ZNF44: variants seen among roughly 807,000 people sequenced by gnomAD.
ZNF44 encodes the protein gonadotropin inducible transcription repressor-2.
ZNF44 carries 9 observed loss-of-function variants against 11.7 expected under a neutral mutation model. That is an observed-to-expected ratio of 0.77 (90% CI 0.46 to 1.35). ZNF44 has a LOEUF of 1.35. Among genes scored for constraint, ZNF44 ranks in the 40% most tolerant of loss-of-function variants. The pLI is 0.00. For missense variants in ZNF44, 696 were observed against 743.1 expected (o/e 0.94, Z 0.74); for synonymous variants, 224 against 242.7 (o/e 0.92, Z 0.72).
intron 1 of ZNF44, chr19:12,293,306 C>T (rs1968096695): frequency 1.3e-6 from 2 of 1,536,844 alleles, no homozygotes; most frequent in African/African-American, 2.7e-5. Flanking sequence ...CCGATATCCA[C>T]TAGGCCCTCC....
rs375321557 is a variant in ZNF44 at position 12,273,798 on chromosome 19, G to A, written c.457C>T (p.Arg153Cys). 4.2e-5 allele frequency: 67 copies of A among 1,614,084 alleles called. No individual in the cohort carries two copies. The highest frequency in any genetic ancestry group is 3.3e-4 in the Middle Eastern group (2 of 6,062). The change falls in exon 4 of 4, where the codon CGC (arginine) becomes TGC (cysteine). Residue 153 changes from arginine (R) to cysteine (C), a missense_variant. Physicochemically the swap from Arg to Cys is radical, Grantham distance 180. Transcript: ENST00000355684. ...HKQCGKGLSYRHSFQTCERPH... is the reference protein window; with the variant it reads ...HKQCGKGLSYCHSFQTCERPH... ...CTTTCACATGTTTGAAAGGAGTGGC[G>A]ATAACTTAAGCCTTTCCCACACTGC...
chr19:12,252,051 C>CAA (rs61116689), intron 5 of ZNF44, among the ~76,000 whole-genome samples: 50 of 90,764 alleles, frequency 5.5e-4, no homozygotes, highest in African/African-American at 1.1e-3. Context: ...AACTCCATCT[C>CAA]AAAAAAAAAA....
rs147056841 is a variant in ZNF44, at chr19:12,284,681, G to A, written c.4-8599C>T. ...CCGGCCAGTGCACCAGGTTCAAGGC[G>A]TTTGTTGCCATCGGGGACTACAATG... On this transcript the variant is annotated intron_variant, in intron 1 of 3. Coordinates refer to ENST00000355684, the MANE Select transcript of ZNF44 (RefSeq NM_016264.4). 4.2e-3 allele frequency: 3,181 copies of A among 750,372 alleles called. 80 individuals carry two copies. Among genetic ancestry groups the A allele is most frequent in the South Asian group, 0.032 (2,201 of 68,830 alleles). The allele number at this position is 750,372 out of a possible 1,614,324, so 46.5% of individuals were successfully genotyped here.
intron 1 of ZNF44, chr19:12,237,154 C>G (rs1916422514): frequency 6.6e-6 from 1 of 152,384 alleles, no homozygotes; most frequent in Non-Finnish European, 1.5e-5. Context: ...ACACATGAGT[C>G]TGGATCCTCG....
intron 1 of ZNF44, among the ~76,000 whole-genome samples, chr19:12,280,820 A>G (rs955192124): frequency 2.0e-5 from 3 of 152,246 alleles, no homozygotes; most frequent in African/African-American, 7.2e-5. Context: ...ATTCAGACAA[A>G]TCAGGTTTTA....
intron 1 of ZNF44, among the ~76,000 whole-genome samples, chr19:12,291,614 C>A (rs545775629): frequency 6.6e-6 from 1 of 152,154 alleles, no homozygotes; most frequent in African/African-American, 2.4e-5. Context: ...GGAAGGATCT[C>A]TTGAGCCCTG....
At chr19:12,249,454 C>T (rs868478208) in intron 7 of ZNF44, among the ~76,000 whole-genome samples, 11 of 144,134 alleles carry the variant, frequency 7.6e-5, no homozygotes, top group East Asian at 2.1e-4. Flanking sequence ...TGCAGTGAGC[C>T]GAGATCACGC....
At chr19:12,260,335 C>T (rs879138078) in intron 5 of ZNF44, 29 of 967,958 alleles carry the variant, frequency 3.0e-5, no homozygotes, top group Non-Finnish European at 4.5e-5. Flanking sequence ...TCCGGCCAGC[C>T]GAAGCCTGCC....
At chr19:12,233,550 C>CCA (rs777267600) in intron 2 of ZNF44, among the ~76,000 whole-genome samples, 25 of 80,844 alleles carry the variant, frequency 3.1e-4, no homozygotes, top group African/African-American at 9.4e-4. Context: ...ACCCATACAT[C>CCA]AAAAAAAAAA....
At position 12,274,580 on chromosome 19, in the gene ZNF44, T is replaced by C. The variant is rs930618605; in HGVS notation, c.191+393A>G. 3.3e-5 allele frequency among the ~76,000 whole-genome samples: 5 copies of C among 151,518 alleles called. No homozygotes were observed. In the South Asian group the frequency reaches 1.0e-3, roughly 32 times the overall value. The stretch of plus-strand genomic sequence containing the variant: ...TAAGCCACTGCGCCTGGCCTTTTTT[T>C]TTTTTTTAAGACAGGGTCTTGCTCT... On this transcript the variant is annotated intron_variant, in intron 3 of 3. Transcript: ENST00000355684.
At chr19:12,247,595 T>C (rs1568426647), downstream of ZNF44, 1 of 1,333,622 alleles carries the variant, frequency 7.5e-7, no homozygotes, top group East Asian at 4.9e-5. Flanking sequence ...TTTTCCCACA[T>C]TTTTTACATT....
At chr19:12,260,623 A>AAAAAC (rs1375522967) in intron 5 of ZNF44, 17 of 619,490 alleles carry the variant, frequency 2.7e-5, no homozygotes, top group Non-Finnish European at 4.6e-5. Flanking sequence ...ACAAAAACAA[A>AAAAAC]AAAACAAAAC....
chr19:12,291,015 G>A (rs1317836610), intron 1 of ZNF44: 1 of 255,624 alleles, frequency 3.9e-6, no homozygotes, highest in Non-Finnish European at 7.8e-6. Context: ...AGTGTTTACA[G>A]GAGGGAAGGA....
chr19:12,252,011 A>G (rs2138206), intron 5 of ZNF44, among the ~76,000 whole-genome samples: 9,079 of 150,778 alleles, frequency 0.06, 945 homozygotes, highest in African/African-American at 0.21. Context: ...AGATCGCACC[A>G]TTGCACTCCA....
At chr19:12,245,852 TAAG>T (rs138971370), downstream of ZNF44, among the ~76,000 whole-genome samples, 661 of 152,244 alleles carry the variant, frequency 4.3e-3, 2 homozygotes, top group African/African-American at 0.016. Context: ...AGGCAGAACT[TAAG>T]AAGGCTGCAA....
intron 5 of ZNF44, among the ~76,000 whole-genome samples, chr19:12,264,565 C>T (rs993220656): frequency 6.6e-6 from 1 of 152,124 alleles, no homozygotes; most frequent in African/African-American, 2.4e-5. Context: ...ACAAAACCCA[C>T]AAATATCTAT....
intron 5 of ZNF44, among the ~76,000 whole-genome samples, chr19:12,258,041 C>T (rs141623010): frequency 6.6e-6 from 1 of 150,726 alleles, no homozygotes; most frequent in East Asian, 2.0e-4. Context: ...GAGAAATACT[C>T]GGCCAAGTGC....
chr19:12,254,969 A>G (rs1277771426), intron 5 of ZNF44, among the ~76,000 whole-genome samples: 2 of 151,932 alleles, frequency 1.3e-5, no homozygotes, highest in Non-Finnish European at 2.9e-5. Context: ...CATGCCTGTA[A>G]TCCCAGCTAC....
At chr19:12,266,263 C>T (rs1437359348) in intron 5 of ZNF44, 3 of 985,264 alleles carry the variant, frequency 3.0e-6, no homozygotes, top group Admixed American at 6.1e-5. Flanking sequence ...GACCCCAGCC[C>T]GGCACACTCA....
Sources: allele counts gnomAD v4.1 joint callset (sites outside exome capture counted in the v4.1 genomes callset), GRCh38; gene constraint gnomAD v4.1.1; transcripts MANE v1.5; gene names NCBI Gene and HGNC (gene_info 2026-07-23, HGNC 2026-07-21).